Variants in HMGCLL1 observed in about 807,000 individuals in gnomAD.
The protein encoded by HMGCLL1 is 3-hydroxymethyl-3-methylglutaryl-CoA lyase, cytoplasmic.
Under a neutral mutation model 39.1 loss-of-function variants are expected in HMGCLL1, and 36 were observed. The ratio of observed to expected loss-of-function variants is 0.92; its 90% CI spans 0.71 to 1.22. The LOEUF (loss-of-function observed/expected upper bound fraction) is 1.22, where lower values mean the gene tolerates loss of function less well. HMGCLL1 is among the 50% of genes most tolerant of loss of function. The pLI, the probability that HMGCLL1 is intolerant of heterozygous loss-of-function variation, is 0.00. For missense variants in HMGCLL1, 451 were observed against 416.5 expected (o/e 1.08, Z -0.72); for synonymous variants, 149 against 144.0 (o/e 1.03, Z -0.25).
At chr6:55,439,975 T>C (rs2127380497) in intron 7 of HMGCLL1, among the ~76,000 whole-genome samples, 1 of 152,274 alleles carries the variant, frequency 6.6e-6, no homozygotes, top group East Asian at 1.9e-4. Flanking sequence ...TCAAAATGCC[T>C]TAGATGACTG....
chr6:55,672,895 A>G, the HMGCLL1 span, among the ~76,000 whole-genome samples: 2 of 152,092 alleles, frequency 1.3e-5, no homozygotes, highest in East Asian at 3.9e-4. Flanking sequence ...ATTCACATGG[A>G]AAACCTTTAG....
chr6:55,441,725 C>T (rs1561882675), intron 7 of HMGCLL1, among the ~76,000 whole-genome samples: 1 of 151,948 alleles, frequency 6.6e-6, no homozygotes. Context: ...GAGTCTTGCT[C>T]GGTTAGCCAG....
At chr6:55,579,331 G>A (rs1470236268), upstream of HMGCLL1, 4 of 530,336 alleles carry the variant, frequency 7.5e-6, no homozygotes, top group Middle Eastern at 5.2e-4. Context: ...TGAGCCAGAG[G>A]ATGTCCAGGG....
rs1382081767 is a variant in HMGCLL1, at chr6:55,543,298, CATATATGATATATA to C, written c.109-1172_109-1159del. On this transcript the variant is annotated intron_variant, in intron 1 of 8. Coordinates refer to ENST00000274901, the MANE Select transcript of HMGCLL1 (RefSeq NM_001042406.2). ...ATATTATATATAATATATTATATATCATATATGATATATAATATATAATATATATTATATATCAT... is the reference window on the plus strand; with the variant it reads ...ATATTATATATAATATATTATATATCATATATAATATATATTATATATCAT... Among the ~76,000 whole-genome samples, 16 of 7,464 alleles carry C rather than the reference CATATATGATATATA, an allele frequency of 2.1e-3. 6 individuals carry two copies. The highest frequency in any genetic ancestry group is 6.9e-3 in the African/African-American group (16 of 2,304). The allele number at this position is 7,464 out of a possible 152,430, so 4.9% of individuals were successfully genotyped here.
the HMGCLL1 span, among the ~76,000 whole-genome samples, chr6:55,673,196 C>A: frequency 2.0e-5 from 3 of 151,930 alleles, no homozygotes; most frequent in Admixed American, 1.3e-4. Flanking sequence ...CTCCTCATAG[C>A]TCCTGTATAA....
the HMGCLL1 span, among the ~76,000 whole-genome samples, chr6:55,601,670 T>A: frequency 2.0e-5 from 3 of 152,156 alleles, no homozygotes; most frequent in Non-Finnish European, 4.4e-5. Flanking sequence ...TTTTTTTTCC[T>A]TGTAAGTCCA....
At chr6:55,477,216 T>TAA (rs1554143195) in intron 7 of HMGCLL1, among the ~76,000 whole-genome samples, 1 of 14,268 alleles carries the variant, frequency 7.0e-5, no homozygotes, top group African/African-American at 5.7e-4. Context: ...ATATATTATA[T>TAA]TATAATATAT....
At chr6:55,658,832 A>C in the HMGCLL1 span, among the ~76,000 whole-genome samples, 1 of 152,050 alleles carries the variant, frequency 6.6e-6, no homozygotes, top group Admixed American at 6.6e-5. Flanking sequence ...GCAAAGTATA[A>C]TTATAAACTT....
the HMGCLL1 span, among the ~76,000 whole-genome samples, chr6:55,596,831 C>T: frequency 6.6e-6 from 1 of 152,132 alleles, no homozygotes; most frequent in South Asian, 2.1e-4. Flanking sequence ...GCCAAGTTAG[C>T]ATTTTACATT....
intron 1 of HMGCLL1, among the ~76,000 whole-genome samples, chr6:55,578,004 A>T (rs925085699): frequency 1.3e-5 from 2 of 152,236 alleles, no homozygotes; most frequent in Non-Finnish European, 2.9e-5. Flanking sequence ...TAAACTGAGA[A>T]TACACAATAG....
At chr6:55,473,578 G>A (rs938333333) in intron 7 of HMGCLL1, among the ~76,000 whole-genome samples, 2 of 151,286 alleles carry the variant, frequency 1.3e-5, no homozygotes, top group Non-Finnish European at 3.0e-5. Context: ...TTACACATAT[G>A]CTACAATTAC....
the HMGCLL1 span, among the ~76,000 whole-genome samples, chr6:55,660,218 A>G: frequency 1.3e-5 from 2 of 151,588 alleles, no homozygotes; most frequent in Non-Finnish European, 3.0e-5. Context: ...CAATCATTAT[A>G]TTTAACTTTT....
intron 7 of HMGCLL1, among the ~76,000 whole-genome samples, chr6:55,463,046 T>C (rs1029601318): frequency 4.8e-5 from 6 of 125,230 alleles, no homozygotes; most frequent in Admixed American, 2.5e-4. Context: ...TTTTTTTTTT[T>C]CTGAGATGGA....
intron 3 of HMGCLL1, among the ~76,000 whole-genome samples, chr6:55,539,919 AAAAG>A (rs1390331057): frequency 8.0e-6 from 1 of 124,394 alleles, no homozygotes; most frequent in Non-Finnish European, 1.7e-5. Context: ...AGAAAGAAAG[AAAAG>A]GAGGATGAGG....
chr6:55,563,497 C>CA (rs1307815441), intron 1 of HMGCLL1, among the ~76,000 whole-genome samples: 3 of 152,012 alleles, frequency 2.0e-5, no homozygotes, highest in African/African-American at 7.2e-5. Context: ...ATTTTTCACT[C>CA]CTGGGAATTA....
At chr6:55,525,046 T>C (rs769606880) in intron 3 of HMGCLL1, among the ~76,000 whole-genome samples, 2 of 151,808 alleles carry the variant, frequency 1.3e-5, no homozygotes, top group East Asian at 1.9e-4. Flanking sequence ...AATTGAGGAA[T>C]AGTATTTAAA....
intron 7 of HMGCLL1, among the ~76,000 whole-genome samples, chr6:55,487,583 G>T (rs1213603482): frequency 6.6e-6 from 1 of 152,016 alleles, no homozygotes. Flanking sequence ...TACTGAAAAT[G>T]ATGGTTTCCA....
At chr6:55,535,063 G>T (rs1475506759) in intron 3 of HMGCLL1, among the ~76,000 whole-genome samples, 1 of 152,126 alleles carries the variant, frequency 6.6e-6, no homozygotes, top group Non-Finnish European at 1.5e-5. Flanking sequence ...TTTTATCTAT[G>T]TGGATCTAGC....
intron 3 of HMGCLL1, among the ~76,000 whole-genome samples, chr6:55,539,715 G>A (rs1267048202): frequency 6.6e-6 from 1 of 151,184 alleles, no homozygotes; most frequent in African/African-American, 2.4e-5. Flanking sequence ...GTTGAGGGGG[G>A]GAGGAGGAGA....
Sources: allele counts gnomAD v4.1 joint callset (sites outside exome capture counted in the v4.1 genomes callset), GRCh38; gene constraint gnomAD v4.1.1; transcripts MANE v1.5; gene names NCBI Gene and HGNC (gene_info 2026-07-23, HGNC 2026-07-21).